Variants in CADPS2 observed in about 807,000 individuals in gnomAD.
CADPS2 encodes calcium-dependent secretion activator 2.
A neutral mutation model predicts 172.5 loss-of-function variants in CADPS2; 93 were observed. That is an observed-to-expected ratio of 0.54 (90% CI 0.46 to 0.64). CADPS2 has a LOEUF of 0.64. Among genes scored for constraint, CADPS2 ranks in the 30% least tolerant of loss-of-function variants. The probability of loss-of-function intolerance (pLI) is 0.00; values close to 1 mark genes in which losing one functional copy is unlikely to be tolerated. For missense variants in CADPS2, 1,420 were observed against 1,565.9 expected, an observed-to-expected ratio of 0.91 and a Z score of 1.57; for synonymous variants, 546 against 555.2, an observed-to-expected ratio of 0.98 and a Z score of 0.23.
At chr7:122,426,013 G>A (rs2049132812) in intron 17 of CADPS2, 3 of 152,220 alleles carry the variant, frequency 2.0e-5, no homozygotes, top group African/African-American at 4.8e-5. Context: ...AGCACAGCAA[G>A]GCACAAAGAT....
chr7:122,388,252 C>T (rs1260076182), intron 23 of CADPS2, among the ~76,000 whole-genome samples: 1 of 151,926 alleles, frequency 6.6e-6, no homozygotes, highest in Non-Finnish European at 1.5e-5. Context: ...ACATAACAGA[C>T]CTTTTTCATA....
At chr7:122,416,285 C>A in intron 17 of CADPS2, 121 bp from the exon 18 acceptor site, 42 of 396,280 alleles carry the variant, frequency 1.1e-4, no homozygotes, top group South Asian at 1.4e-4. Context: ...CAAATGAATA[C>A]ATTATTTAGA....
chr7:122,411,231 T>TA (rs1027924286), intron 19 of CADPS2, among the ~76,000 whole-genome samples: 88 of 151,902 alleles, frequency 5.8e-4, no homozygotes, highest in Admixed American at 4.6e-4. Flanking sequence ...TACTTTTTTT[T>TA]TTTTTTTGAG....
chr7:122,347,700 A>G (rs1231293092), intron 27 of CADPS2, among the ~76,000 whole-genome samples: 2 of 152,172 alleles, frequency 1.3e-5, no homozygotes, highest in African/African-American at 4.8e-5. Context: ...AAGTTTAAAC[A>G]ATTACAAGGA....
intron 12 of CADPS2, 113 bp from the exon 13 acceptor site, chr7:122,474,630 A>T: frequency 1.0e-6 from 1 of 969,612 alleles, no homozygotes; most frequent in South Asian, 1.7e-5. Context: ...ACCTTTTATC[A>T]CATGAAATAT....
chr7:122,374,999 C>T (rs866034112), intron 25 of CADPS2, among the ~76,000 whole-genome samples: 1 of 151,804 alleles, frequency 6.6e-6, no homozygotes, highest in Non-Finnish European at 1.5e-5. Context: ...ACCAAGAAGG[C>T]AAAAAATGTG....
Position 122,441,521 on chromosome 7 carries a change from T to C in CADPS2, c.2343A>G (p.Leu781=), listed in dbSNP as rs1220461704. 1 of 1,526,862 alleles carries C rather than the reference T, an allele frequency of 6.5e-7. No homozygotes were observed. Among genetic ancestry groups the C allele is most frequent in the Non-Finnish European group, 8.8e-7 (1 of 1,135,444 alleles). 94.6% of individuals were successfully genotyped at this position (1,526,862 alleles called of 1,614,324 possible). ...PEGALKATLS[L]LERVLMKDIA... is the part of the protein sequence containing the mutation. ...TAATGTTCAAACATACCCTTTCAAGTAATGAAAGTGTAGCTTTTAGAGCAC... is the reference window on the plus strand; with the variant it reads ...TAATGTTCAAACATACCCTTTCAAGCAATGAAAGTGTAGCTTTTAGAGCAC... The change falls in exon 16 of 30, where the codon TTA becomes TTG. Residue 781 remains leucine, a synonymous_variant. Coordinates refer to ENST00000449022, the MANE Select transcript of CADPS2 (RefSeq NM_017954.11).
At chr7:122,376,700 A>T (rs1312038839) in intron 25 of CADPS2, among the ~76,000 whole-genome samples, 2 of 152,148 alleles carry the variant, frequency 1.3e-5, no homozygotes, top group African/African-American at 4.8e-5. Flanking sequence ...GATTGATCTT[A>T]TGTGACTGTT....
chr7:122,400,262 T>C (rs1051849502), intron 20 of CADPS2, among the ~76,000 whole-genome samples: 3 of 151,248 alleles, frequency 2.0e-5, no homozygotes, highest in Admixed American at 1.3e-4. Context: ...ATGCAGAAAC[T>C]CCATCTCTAC....
chr7:122,392,690 G>C (rs189284473), intron 22 of CADPS2, among the ~76,000 whole-genome samples: 1 of 152,068 alleles, frequency 6.6e-6, no homozygotes, highest in African/African-American at 2.4e-5. Flanking sequence ...AGAACTTCCT[G>C]GTTTTGGCAA....
chr7:122,698,916 C>A (rs71574716), intron 2 of CADPS2: 2 of 1,569,746 alleles, frequency 1.3e-6, no homozygotes, highest in South Asian at 2.4e-5. Context: ...TGAGTAGATG[C>A]ATCTCTCTCT....
At chr7:122,477,867 T>C (rs1203771791) in intron 12 of CADPS2, among the ~76,000 whole-genome samples, 1 of 152,194 alleles carries the variant, frequency 6.6e-6, no homozygotes, top group Non-Finnish European at 1.5e-5. Context: ...TGTTGTACAT[T>C]AGATCTCTAG....
intron 17 of CADPS2, among the ~76,000 whole-genome samples, chr7:122,434,672 AATG>A (rs1174422763): frequency 6.6e-6 from 1 of 152,184 alleles, no homozygotes; most frequent in African/African-American, 2.4e-5. Flanking sequence ...CACGTAGTTA[AATG>A]AATAATTGTG....
At chr7:122,764,678 A>T (rs1284683765) in intron 1 of CADPS2, among the ~76,000 whole-genome samples, 2 of 152,058 alleles carry the variant, frequency 1.3e-5, no homozygotes, top group African/African-American at 2.4e-5. Flanking sequence ...CTCTTAAAGG[A>T]TGTAAGACTA....
At chr7:122,358,201 T>A (rs1319794116) in intron 27 of CADPS2, among the ~76,000 whole-genome samples, 1 of 152,192 alleles carries the variant, frequency 6.6e-6, no homozygotes, top group Non-Finnish European at 1.5e-5. Context: ...TTCTTTTAAT[T>A]TGCATTTTCC....
intron 1 of CADPS2, among the ~76,000 whole-genome samples, chr7:122,764,677 G>T (rs1042864003): frequency 2.0e-5 from 3 of 151,800 alleles, no homozygotes; most frequent in Non-Finnish European, 2.9e-5. Context: ...ACTCTTAAAG[G>T]ATGTAAGACT....
intron 6 of CADPS2, among the ~76,000 whole-genome samples, chr7:122,606,015 A>G (rs80236211): frequency 7.7e-4 from 117 of 152,100 alleles, no homozygotes; most frequent in African/African-American, 2.8e-3. Context: ...ATAAGCAAAA[A>G]CTCTTTCAAT....
rs2061250759 is a variant in CADPS2 at position 122,526,509 on chromosome 7, T to C, written c.1476-13194A>G. On this transcript the variant is annotated intron_variant, in intron 8 of 29. Transcript: ENST00000449022. ...CGCCTGGTCTTCTTTGATATTTTTA[T>C]TGTCTTCCTTTGACACGAAGAACTC... Among the ~76,000 whole-genome samples the C allele has an allele frequency of 3.3e-5, 5 of 152,200 alleles. No homozygotes were observed. The South Asian group carries it at 8.3e-4, about 25-fold the overall frequency.
At chr7:122,426,822 A>G (rs1048492727) in intron 17 of CADPS2, among the ~76,000 whole-genome samples, 8 of 152,178 alleles carry the variant, frequency 5.3e-5, no homozygotes, top group South Asian at 2.1e-4. Context: ...AAATTCTATA[A>G]AATTGCTTGC....
Sources: allele counts gnomAD v4.1 joint callset (sites outside exome capture counted in the v4.1 genomes callset), GRCh38; gene constraint gnomAD v4.1.1; transcripts MANE v1.5; gene names NCBI Gene and HGNC (gene_info 2026-07-23, HGNC 2026-07-21).